Variants in PACRG observed in about 807,000 individuals in gnomAD.
PACRG encodes parkin coregulated, also known as parkin coregulated gene protein.
PACRG carries 29 observed loss-of-function variants against 29.7 expected under a neutral mutation model. The ratio of observed to expected loss-of-function variants is 0.98; its 90% CI spans 0.73 to 1.33. PACRG has a LOEUF of 1.33. Among genes scored for constraint, PACRG ranks in the 40% most tolerant of loss-of-function variants. PACRG has a pLI of 0.00. For synonymous variants in PACRG, 116 were observed against 118.7 expected, an observed-to-expected ratio of 0.98 and a Z score of 0.15; for missense variants, 279 against 316.2, an observed-to-expected ratio of 0.88 and a Z score of 0.89.
rs112429326 is a variant in PACRG at position 163,121,933 on chromosome 6, A to G, written c.613+32525A>G. Among the ~76,000 whole-genome samples, 456 of 152,150 alleles carry G rather than the reference A, an allele frequency of 3.0e-3. 5 individuals are homozygous for G. Among genetic ancestry groups the G allele is most frequent in the African/African-American group, 0.011 (437 of 41,504 alleles). On this transcript the variant is annotated intron_variant, in intron 4 of 4. Coordinates refer to ENST00000366888, the MANE Select transcript of PACRG (RefSeq NM_001080379.2). ...TGCCTCGGCCTCCCAAAGTGCTGGG[A>G]TTACAGGTGTGAGCCACCACGCCTG...
intron 4 of PACRG, among the ~76,000 whole-genome samples, chr6:163,269,910 GAAAGAAAGAAAGAAAGAAAAC>G (rs1351508560): frequency 1.4e-5 from 1 of 69,044 alleles, no homozygotes; most frequent in African/African-American, 7.7e-5. Flanking sequence ...AAGAAAGAAA[GAAAGAAAGAAAGAAAGAAAAC>G]AAAGAAAGAA....
At chr6:163,243,635 C>G (rs185022046) in intron 4 of PACRG, among the ~76,000 whole-genome samples, 1 of 152,286 alleles carries the variant, frequency 6.6e-6, no homozygotes. Flanking sequence ...CACCACCTAA[C>G]CCACCCCAGT....
chr6:163,238,852 T>C (rs948734305), intron 4 of PACRG, among the ~76,000 whole-genome samples: 1 of 152,238 alleles, frequency 6.6e-6, no homozygotes, highest in African/African-American at 2.4e-5. Context: ...TTTCTATCAG[T>C]CACTCTTTCT....
intron 4 of PACRG, among the ~76,000 whole-genome samples, chr6:163,255,064 T>C (rs530932818): frequency 7.9e-5 from 12 of 152,336 alleles, no homozygotes; most frequent in Non-Finnish European, 1.3e-4. Flanking sequence ...CAAGTTAACC[T>C]GGACTTAGAC....
At chr6:162,981,686 A>C (rs1029539697) in intron 2 of PACRG, among the ~76,000 whole-genome samples, 3 of 151,886 alleles carry the variant, frequency 2.0e-5, no homozygotes, top group African/African-American at 4.8e-5. Flanking sequence ...ATGTGTTTCC[A>C]TTTGTTTGTG....
chr6:162,729,317 T>C (rs1456284991), intron 1 of PACRG, among the ~76,000 whole-genome samples: 2 of 152,222 alleles, frequency 1.3e-5, no homozygotes, highest in African/African-American at 4.8e-5. Flanking sequence ...CAATTCATTA[T>C]GTTAAATGAA....
intron 1 of PACRG, among the ~76,000 whole-genome samples, chr6:162,794,558 A>C (rs544770275): frequency 1.3e-3 from 195 of 152,244 alleles, no homozygotes; most frequent in African/African-American, 4.5e-3. Context: ...CATTTTTGTT[A>C]ATTTTCATAT....
chr6:163,279,141 C>T (rs1026159113), intron 4 of PACRG, among the ~76,000 whole-genome samples: 4 of 152,238 alleles, frequency 2.6e-5, no homozygotes, highest in Admixed American at 6.5e-5. Context: ...TCAGCTTGGT[C>T]GCTGTTGGTG....
intron 2 of PACRG, among the ~76,000 whole-genome samples, chr6:162,895,114 A>G (rs1795067841): frequency 6.6e-6 from 1 of 150,802 alleles, no homozygotes; most frequent in African/African-American, 2.4e-5. Flanking sequence ...CGCCCCCAAA[A>G]AAAAATTTAG....
intron 2 of PACRG, among the ~76,000 whole-genome samples, chr6:163,013,751 C>G (rs912784916): frequency 2.8e-4 from 43 of 152,154 alleles, no homozygotes; most frequent in Admixed American, 2.0e-3. Context: ...ATGTATTTTA[C>G]ATATTCACTT....
At chr6:162,908,533 T>A (rs1444448312) in intron 2 of PACRG, among the ~76,000 whole-genome samples, 1 of 152,224 alleles carries the variant, frequency 6.6e-6, no homozygotes, top group Non-Finnish European at 1.5e-5. Context: ...GATATGGCCC[T>A]GCAGCTGAAG....
chr6:163,234,608 T>G (rs192180122), intron 4 of PACRG, among the ~76,000 whole-genome samples: 173 of 152,122 alleles, frequency 1.1e-3, no homozygotes, highest in African/African-American at 3.7e-3. Context: ...ACACCTACAT[T>G]TAAGGGACAG....
In PACRG at chr6:163,144,414, A is replaced by G. The variant is rs55874650; in HGVS notation, c.613+55006A>G. On this transcript the variant is annotated intron_variant, in intron 4 of 4. Transcript: ENST00000366888. ...CGTGGGTTAGTAATATGTAATGTAT[A>G]TTACAGTACTAACGTTTGCATAATG... Among the ~76,000 whole-genome samples, 516 of 152,186 alleles carry G rather than the reference A, an allele frequency of 3.4e-3. 4 individuals carry two copies. The highest frequency in any genetic ancestry group is 0.012 in the African/African-American group (501 of 41,520).
intron 2 of PACRG, among the ~76,000 whole-genome samples, chr6:162,928,125 A>C (rs1279818435): frequency 2.0e-5 from 3 of 151,930 alleles, no homozygotes; most frequent in African/African-American, 7.2e-5. Context: ...AGTTCGGTAG[A>C]ATTTGTCAGT....
chr6:162,936,466 T>C (rs1798239464), intron 2 of PACRG, among the ~76,000 whole-genome samples: 1 of 152,178 alleles, frequency 6.6e-6, no homozygotes, highest in African/African-American at 2.4e-5. Context: ...ATTAATATAG[T>C]GATATAGCCA....
chr6:163,268,127 G>A (rs7752568), intron 4 of PACRG, among the ~76,000 whole-genome samples: 50,228 of 151,930 alleles, frequency 0.33, 8,615 homozygotes, highest in Non-Finnish European at 0.37. Flanking sequence ...TTGGCCTGGC[G>A]CGGTGGCTCA....
intron 3 of PACRG, among the ~76,000 whole-genome samples, chr6:163,063,740 C>T (rs1242015971): frequency 2.0e-5 from 3 of 152,024 alleles, no homozygotes; most frequent in Non-Finnish European, 2.9e-5. Context: ...AACCAAAGGA[C>T]GGTGCTACCT....
chr6:163,101,468 A>G (rs1815081925), intron 4 of PACRG: 1 of 900,832 alleles, frequency 1.1e-6, no homozygotes, highest in Non-Finnish European at 1.3e-6. Flanking sequence ...TCACCTAACC[A>G]AATGTCTTAG....
intron 4 of PACRG, among the ~76,000 whole-genome samples, chr6:163,135,793 G>A (rs1334208636): frequency 1.3e-5 from 2 of 152,204 alleles, no homozygotes; most frequent in African/African-American, 4.8e-5. Flanking sequence ...CGACAAGCCG[G>A]CTGACGCTTG....
Sources: gnomAD v4.1 joint callset for allele counts (sites outside exome capture counted in the v4.1 genomes callset) on GRCh38, gnomAD v4.1.1 for gene constraint, MANE v1.5 for transcripts, NCBI Gene and HGNC (gene_info 2026-07-23, HGNC 2026-07-21) for gene names.